Variants in PALM2AKAP2 observed in about 807,000 individuals in gnomAD.
PALM2AKAP2 encodes PALM2 and AKAP2 fusion, also known as PALM2-AKAP2 fusion protein.
PALM2AKAP2 carries 37 observed loss-of-function variants against 71.5 expected under a neutral mutation model. That is an observed-to-expected ratio of 0.52 (90% CI 0.40 to 0.68). PALM2AKAP2 has a LOEUF of 0.68. Ranked by LOEUF, PALM2AKAP2 falls within the 30% of genes least tolerant of loss-of-function variation. The probability of loss-of-function intolerance (pLI) is 0.00; values close to 1 mark genes in which losing one functional copy is unlikely to be tolerated. For missense variants in PALM2AKAP2, 1,224 were observed against 1,191.8 expected (o/e 1.03, Z -0.40); for synonymous variants, 468 against 478.8 (o/e 0.98, Z 0.29).
At position 110,156,320 on chromosome 9, in the gene PALM2AKAP2, GA is replaced by G; in HGVS notation, c.2575del (p.Ile859Ter). On this transcript the variant is annotated frameshift_variant and splice_region_variant, in exon 3 of 4. Transcript: ENST00000374525. LOFTEE classifies it high-confidence loss of function. The stretch of plus-strand genomic sequence containing the variant: ...GGTATTTTCTTCGTGTTGTTTCAGG[GA>G]AAATAGAGAAAGTCAAACCTCCTCC... The G allele has an allele frequency of 1.3e-6, 2 of 1,571,948 alleles. No individual in the cohort carries two copies. The highest frequency in any genetic ancestry group is 2.3e-5 in the East Asian group (1 of 44,030).
intron 6 of PALM2AKAP2, among the ~76,000 whole-genome samples, chr9:109,964,743 A>C (rs1831914984): frequency 6.6e-6 from 1 of 152,122 alleles, no homozygotes; most frequent in Non-Finnish European, 1.5e-5. Context: ...CTGGAAGCAA[A>C]CTGTCTGGCT....
chr9:109,738,827 C>G (rs769574255), intron 1 of PALM2AKAP2, among the ~76,000 whole-genome samples: 54 of 152,184 alleles, frequency 3.5e-4, no homozygotes, highest in Non-Finnish European at 5.6e-4. Context: ...AAAAAAATGT[C>G]TAGTTTTTTC....
At chr9:109,821,906 C>G (rs932075393) in intron 1 of PALM2AKAP2, among the ~76,000 whole-genome samples, 1 of 152,174 alleles carries the variant, frequency 6.6e-6, no homozygotes, top group Admixed American at 6.5e-5. Flanking sequence ...CACTTTGGGA[C>G]CAAAGGAATT....
At chr9:109,868,212 G>C (rs983997565) in intron 2 of PALM2AKAP2, among the ~76,000 whole-genome samples, 2 of 152,166 alleles carry the variant, frequency 1.3e-5, no homozygotes, top group South Asian at 4.1e-4. Flanking sequence ...CAGCACACAA[G>C]AGCTGTTTAT....
intron 2 of PALM2AKAP2, among the ~76,000 whole-genome samples, chr9:109,875,144 G>A (rs1255887922): frequency 6.6e-6 from 1 of 152,090 alleles, no homozygotes; most frequent in Non-Finnish European, 1.5e-5. Context: ...CCAGCCACTC[G>A]GGCATTTGTT....
At chr9:110,034,106 C>T (rs991325986) in intron 7 of PALM2AKAP2, among the ~76,000 whole-genome samples, 1 of 152,188 alleles carries the variant, frequency 6.6e-6, no homozygotes, top group African/African-American at 2.4e-5. Context: ...TGCCAGGGCA[C>T]CTCTTGCCTG....
chr9:110,145,623 T>C, intron 2 of PALM2AKAP2, among the ~76,000 whole-genome samples: 1 of 152,066 alleles, frequency 6.6e-6, no homozygotes, highest in East Asian at 1.9e-4. Context: ...CCTTGCCTTT[T>C]AAAAATTGAT....
intron 1 of PALM2AKAP2, among the ~76,000 whole-genome samples, chr9:109,691,024 G>C (rs1057441094): frequency 6.6e-6 from 1 of 152,146 alleles, no homozygotes; most frequent in Non-Finnish European, 1.5e-5. Flanking sequence ...AGAAACAGAA[G>C]GGGGGAAGTT....
chr9:109,992,564 A>G (rs755331063), intron 6 of PALM2AKAP2, among the ~76,000 whole-genome samples: 5 of 152,154 alleles, frequency 3.3e-5, no homozygotes, highest in Non-Finnish European at 5.9e-5. Context: ...GACTGCAGGC[A>G]TGCACCAACA....
intron 1 of PALM2AKAP2, among the ~76,000 whole-genome samples, chr9:109,847,243 T>G (rs1828882804): frequency 6.6e-6 from 1 of 152,060 alleles, no homozygotes; most frequent in African/African-American, 2.4e-5. Context: ...TATAGGGAGA[T>G]CTGACAGATA....
At chr9:110,035,424 A>T (rs928272779) in intron 7 of PALM2AKAP2, among the ~76,000 whole-genome samples, 1 of 144,612 alleles carries the variant, frequency 6.9e-6, no homozygotes, top group African/African-American at 2.5e-5. Context: ...TATAATACAT[A>T]TTATATACGT....
intron 7 of PALM2AKAP2, chr9:110,025,208 C>A (rs892593655): frequency 3.1e-6 from 4 of 1,272,028 alleles, no homozygotes; most frequent in South Asian, 1.2e-5. Flanking sequence ...TGGGGCATTC[C>A]TTTTTGAACA....
chr9:110,108,837 TA>T (rs869165997), intron 1 of PALM2AKAP2, among the ~76,000 whole-genome samples: 10 of 151,952 alleles, frequency 6.6e-5, no homozygotes, highest in African/African-American at 1.7e-4. Flanking sequence ...CCCCTGCATT[TA>T]AAAAAAAATT....
intron 6 of PALM2AKAP2, among the ~76,000 whole-genome samples, chr9:109,998,751 C>T (rs114811412): frequency 0.018 from 2,318 of 130,152 alleles, 76 homozygotes; most frequent in African/African-American, 0.066. Context: ...TGGGTGACAG[C>T]GAGACCCTGT....
intron 7 of PALM2AKAP2, chr9:110,025,064 C>G: frequency 5.3e-6 from 6 of 1,142,092 alleles, no homozygotes; most frequent in Non-Finnish European, 7.9e-6. Flanking sequence ...TATCTCGGCT[C>G]AGAGTGCTTA....
chr9:110,024,801 A>G (rs1833145186), intron 7 of PALM2AKAP2: 7 of 648,024 alleles, frequency 1.1e-5, no homozygotes, highest in Non-Finnish European at 1.4e-5. Context: ...AAAAAAAAAG[A>G]TATGCCAGTG....
chr9:110,104,377 G>C (rs561482343), intron 1 of PALM2AKAP2, among the ~76,000 whole-genome samples: 1 of 152,238 alleles, frequency 6.6e-6, no homozygotes, highest in East Asian at 1.9e-4. Context: ...TACTGTAAGG[G>C]CAGTTCTTGA....
intron 1 of PALM2AKAP2, among the ~76,000 whole-genome samples, chr9:109,730,591 G>GCAA: frequency 6.6e-6 from 1 of 152,336 alleles, no homozygotes; most frequent in East Asian, 1.9e-4. Context: ...GTTTTTGCCA[G>GCAA]TAGTGTACTT....
intron 3 of PALM2AKAP2, among the ~76,000 whole-genome samples, chr9:109,895,887 T>C (rs1262901053): frequency 6.6e-6 from 1 of 152,118 alleles, no homozygotes; most frequent in African/African-American, 2.4e-5. Context: ...GGAGAAGCGC[T>C]GAGCATAAGG....
Sources: gnomAD v4.1 joint callset for allele counts (sites outside exome capture counted in the v4.1 genomes callset) on GRCh38, gnomAD v4.1.1 for gene constraint, MANE v1.5 for transcripts, NCBI Gene and HGNC (gene_info 2026-07-23, HGNC 2026-07-21) for gene names.